PLCB1: variants seen among roughly 807,000 people sequenced by gnomAD.
The protein encoded by PLCB1 is 1-phosphatidylinositol 4,5-bisphosphate phosphodiesterase beta-1.
In PLCB1, 46 loss-of-function variants were observed where a neutral mutation model predicts 161.8. The observed-to-expected ratio is 0.28, with a 90% CI of 0.22 to 0.36. PLCB1 has a LOEUF of 0.36. PLCB1 is among the 10% of genes least tolerant of loss of function. The probability of loss-of-function intolerance (pLI) is 1.00; values close to 1 mark genes in which losing one functional copy is unlikely to be tolerated. For missense variants in PLCB1, 1,016 were observed against 1,472.5 expected, an observed-to-expected ratio of 0.69 and a Z score of 5.07; for synonymous variants, 517 against 503.7, an observed-to-expected ratio of 1.03 and a Z score of -0.35.
intron 3 of PLCB1, among the ~76,000 whole-genome samples, chr20:8,560,872 A>G (rs907084541): frequency 1.3e-5 from 2 of 152,038 alleles, no homozygotes; most frequent in Non-Finnish European, 2.9e-5. Flanking sequence ...ACCTTTTAAA[A>G]ATAATAAGTA....
intron 3 of PLCB1, among the ~76,000 whole-genome samples, chr20:8,569,551 G>C (rs781262714): frequency 6.6e-6 from 1 of 152,070 alleles, no homozygotes; most frequent in Non-Finnish European, 1.5e-5. Context: ...AAATTTCTAG[G>C]ATATAAGTAT....
intron 10 of PLCB1, among the ~76,000 whole-genome samples, chr20:8,692,538 G>A (rs1481191036): frequency 1.3e-5 from 2 of 152,146 alleles, no homozygotes; most frequent in African/African-American, 2.4e-5. Context: ...AACAGCCAGG[G>A]TTCTTGTGGC....
chr20:8,865,714 C>A (rs531799525), intron 31 of PLCB1, among the ~76,000 whole-genome samples: 1 of 152,234 alleles, frequency 6.6e-6, no homozygotes, highest in African/African-American at 2.4e-5. Context: ...TAGAGATTCC[C>A]CATATGTCCC....
At chr20:8,475,139 G>A (rs2122727163) in intron 3 of PLCB1, among the ~76,000 whole-genome samples, 1 of 152,202 alleles carries the variant, frequency 6.6e-6, no homozygotes, top group East Asian at 1.9e-4. Flanking sequence ...CATGAAAAAT[G>A]TTCAATCATT....
At chr20:8,175,290 T>C (rs1012894237) in intron 2 of PLCB1, among the ~76,000 whole-genome samples, 2 of 151,842 alleles carry the variant, frequency 1.3e-5, no homozygotes, top group South Asian at 4.2e-4. Flanking sequence ...AACTCTAATA[T>C]GTGAATAAAT....
chr20:8,187,101 T>C (rs1264048836), intron 2 of PLCB1, among the ~76,000 whole-genome samples: 1 of 152,130 alleles, frequency 6.6e-6, no homozygotes, highest in African/African-American at 2.4e-5. Flanking sequence ...CATTTGTTCT[T>C]GGATGACCTC....
At chr20:8,475,911 G>C (rs1415127295) in intron 3 of PLCB1, among the ~76,000 whole-genome samples, 1 of 152,122 alleles carries the variant, frequency 6.6e-6, no homozygotes, top group Admixed American at 6.5e-5. Flanking sequence ...ACTCTACAAA[G>C]ACAGTATCTA....
chr20:8,459,567 C>T (rs1231344483), intron 3 of PLCB1, among the ~76,000 whole-genome samples: 1 of 152,068 alleles, frequency 6.6e-6, no homozygotes, highest in East Asian at 1.9e-4. Context: ...ATTAAATGTG[C>T]CTGATGTATA....
intron 2 of PLCB1, among the ~76,000 whole-genome samples, chr20:8,311,930 A>C (rs543695188): frequency 6.6e-6 from 1 of 152,288 alleles, no homozygotes; most frequent in South Asian, 2.1e-4. Context: ...GAGGAGAGCA[A>C]GCCTTTAAAC....
At chr20:8,635,678 C>T (rs1355565925) in intron 4 of PLCB1, among the ~76,000 whole-genome samples, 1 of 152,136 alleles carries the variant, frequency 6.6e-6, no homozygotes, top group Non-Finnish European at 1.5e-5. Flanking sequence ...AAATAGTTGA[C>T]ACCTTTCAGG....
chr20:8,387,987 A>T (rs1320376763), intron 3 of PLCB1, among the ~76,000 whole-genome samples: 74 of 151,534 alleles, frequency 4.9e-4, no homozygotes, highest in African/African-American at 1.8e-3. Flanking sequence ...TAAAAAAAAA[A>T]AAAAAAAAAA....
rs546265226 is a variant in PLCB1, at chr20:8,708,721, A to G, written c.1219A>G (p.Ile407Val). Residue 407 changes from isoleucine (I) to valine (V), a missense_variant, in exon 12 of 32, where the codon ATT becomes GTT. Physicochemically the swap from Ile to Val is conservative, Grantham distance 29. Transcript: ENST00000338037. ...TGCATTTAAGACTTCACCTTTTCCAATTCTCCTTTCGTTTGAGAACCATGT... is the reference window on the plus strand; with the variant it reads ...TGCATTTAAGACTTCACCTTTTCCAGTTCTCCTTTCGTTTGAGAACCATGT... ...ECAFKTSPFP[I>V]LLSFENHVDS... 14 of 1,613,246 alleles carry G rather than the reference A, an allele frequency of 8.7e-6. No homozygotes were observed. Among genetic ancestry groups the G allele is most frequent in the Admixed American group, 6.7e-5 (4 of 59,996 alleles).
At chr20:8,362,807 C>T (rs1003247004) in intron 2 of PLCB1, among the ~76,000 whole-genome samples, 10 of 152,094 alleles carry the variant, frequency 6.6e-5, no homozygotes, top group Non-Finnish European at 1.0e-4. Flanking sequence ...TGAAAAAAGA[C>T]TTAAGTGGTT....
At chr20:8,600,590 G>GAGGC (rs1222319941) in intron 3 of PLCB1, 2 of 150,870 alleles carry the variant, frequency 1.3e-5, no homozygotes, top group East Asian at 2.0e-4. Flanking sequence ...GGAGCCTACA[G>GAGGC]AGGCAGGCAG....
chr20:8,651,861 C>A, intron 7 of PLCB1: 1 of 216,184 alleles, frequency 4.6e-6, no homozygotes, highest in Non-Finnish European at 9.1e-6. Context: ...TGGATTTAAG[C>A]AACTGAGAAA....
chr20:8,268,015 G>A (rs905198585), intron 2 of PLCB1, among the ~76,000 whole-genome samples: 15 of 151,290 alleles, frequency 9.9e-5, no homozygotes, highest in Non-Finnish European at 1.3e-4. Context: ...TGTGCACAAC[G>A]TGCAGGTTTG....
chr20:8,753,310 C>T (rs190482015), intron 23 of PLCB1, among the ~76,000 whole-genome samples: 3 of 152,134 alleles, frequency 2.0e-5, no homozygotes, highest in Admixed American at 1.3e-4. Flanking sequence ...ACCATCCCCT[C>T]AATAACCTCC....
At chr20:8,681,311 A>G (rs913373750) in intron 9 of PLCB1, among the ~76,000 whole-genome samples, 1 of 151,876 alleles carries the variant, frequency 6.6e-6, no homozygotes, top group Non-Finnish European at 1.5e-5. Flanking sequence ...CCCAAGGCAG[A>G]CATCAAAATT....
chr20:8,207,308 T>C (rs1978586341), intron 2 of PLCB1, among the ~76,000 whole-genome samples: 2 of 152,200 alleles, frequency 1.3e-5, no homozygotes. Flanking sequence ...CCACATATTT[T>C]AAAGTCTAGT....
Sources: allele counts gnomAD v4.1 joint callset (sites outside exome capture counted in the v4.1 genomes callset), GRCh38; gene constraint gnomAD v4.1.1; transcripts MANE v1.5; gene names NCBI Gene and HGNC (gene_info 2026-07-23, HGNC 2026-07-21).